Variants in STARD13 observed in about 807,000 individuals in gnomAD.
STARD13 encodes the protein stAR-related lipid transfer protein 13.
Under a neutral mutation model 106.4 loss-of-function variants are expected in STARD13, and 62 were observed. The observed-to-expected ratio is 0.58, with a 90% CI of 0.48 to 0.72. The LOEUF (loss-of-function observed/expected upper bound fraction) is 0.72. Ranked by LOEUF, STARD13 falls within the 30% of genes least tolerant of loss-of-function variation. The pLI, the probability that STARD13 is intolerant of heterozygous loss-of-function variation, is 0.00. For synonymous variants in STARD13, 565 were observed against 553.0 expected (o/e 1.02, Z -0.31); for missense variants, 1,387 against 1,424.0 (o/e 0.97, Z 0.42).
chr13:33,418,012 A>G, the STARD13 span, among the ~76,000 whole-genome samples: 1 of 152,160 alleles, frequency 6.6e-6, no homozygotes, highest in Non-Finnish European at 1.5e-5. Context: ...TGGAGCTCCC[A>G]GTGTAATCAA....
chr13:33,499,529 TTCTTCTTCTTC>T, the STARD13 span, among the ~76,000 whole-genome samples: 1 of 51,514 alleles, frequency 1.9e-5, no homozygotes, highest in African/African-American at 8.9e-5. Flanking sequence ...TTTCTTCTTC[TTCTTCTTCTTC>T]TTCTTCTTCT....
the STARD13 span, among the ~76,000 whole-genome samples, chr13:33,363,423 T>G: frequency 6.6e-6 from 1 of 152,214 alleles, no homozygotes; most frequent in African/African-American, 2.4e-5. Flanking sequence ...ATGATGCCAA[T>G]GGGGTGAGAA....
the STARD13 span, among the ~76,000 whole-genome samples, chr13:33,664,231 T>C: frequency 6.6e-6 from 1 of 152,218 alleles, no homozygotes; most frequent in Non-Finnish European, 1.5e-5. Flanking sequence ...GAGGCTCTTT[T>C]CACTCTTCCC....
intron 1 of STARD13, among the ~76,000 whole-genome samples, chr13:33,341,099 A>G (rs2077954662): frequency 6.6e-6 from 1 of 152,206 alleles, no homozygotes; most frequent in Non-Finnish European, 1.5e-5. Flanking sequence ...TTTTAAAACC[A>G]CTTTTATTTT....
intron 1 of STARD13, among the ~76,000 whole-genome samples, chr13:33,176,387 T>C (rs1884523681): frequency 6.6e-6 from 1 of 152,182 alleles, no homozygotes; most frequent in Non-Finnish European, 1.5e-5. Context: ...GGCAACAGCA[T>C]TGGCAGTATG....
At chr13:33,241,382 C>A (rs189752817) in intron 1 of STARD13, among the ~76,000 whole-genome samples, 94 of 152,192 alleles carry the variant, frequency 6.2e-4, no homozygotes, top group Non-Finnish European at 1.0e-3. Flanking sequence ...GATATTAATG[C>A]AGTTTTTGTA....
intron 1 of STARD13, among the ~76,000 whole-genome samples, chr13:33,210,682 A>G (rs563186826): frequency 6.6e-6 from 1 of 152,348 alleles, no homozygotes; most frequent in African/African-American, 2.4e-5. Context: ...AGAAATTAAG[A>G]ATTCTCTGTA....
chr13:33,285,822 G>T, upstream of STARD13: 1 of 1,357,276 alleles, frequency 7.4e-7, no homozygotes, highest in Admixed American at 3.2e-5. Context: ...ACGTGACCTC[G>T]GGAACCAATG....
chr13:33,501,428 CT>C, the STARD13 span, among the ~76,000 whole-genome samples: 1 of 152,030 alleles, frequency 6.6e-6, no homozygotes, highest in Non-Finnish European at 1.5e-5. Context: ...ATTGCCTTTG[CT>C]TTTGGTGTTT....
Position 33,179,419 on chromosome 13 carries a change from A to ATTTG in STARD13, c.170-11798_170-11797insCAAA, listed in dbSNP as rs1335398238. On this transcript the variant is annotated intron_variant, in intron 1 of 13. Coordinates refer to ENST00000336934, the MANE Select transcript of STARD13 (RefSeq NM_178006.4). ...TTAAATGATTGCATTTCTGTAAAGT[A>ATTTG]CCTGGAGCACAGCATTTGCTACTAT... is the stretch of plus-strand genomic sequence containing the variant. Among the ~76,000 whole-genome samples the ATTTG allele has an allele frequency of 7.9e-5, 12 of 152,196 alleles. No individual in the cohort carries two copies. In the East Asian group the frequency reaches 2.3e-3, roughly 29 times the overall value.
intron 1 of STARD13, among the ~76,000 whole-genome samples, chr13:33,247,995 C>CT (rs1384295170): frequency 5.3e-5 from 8 of 152,216 alleles, no homozygotes; most frequent in Admixed American, 5.2e-4. Flanking sequence ...ATATACTGCA[C>CT]TTGAAGACTC....
At chr13:33,225,470 T>A (rs2138191634) in intron 1 of STARD13, among the ~76,000 whole-genome samples, 1 of 152,360 alleles carries the variant, frequency 6.6e-6, no homozygotes, top group East Asian at 1.9e-4. Flanking sequence ...GGATTACGTG[T>A]AAAGTAAGAG....
chr13:33,541,317 T>C, the STARD13 span, among the ~76,000 whole-genome samples: 1 of 152,242 alleles, frequency 6.6e-6, no homozygotes, highest in Non-Finnish European at 1.5e-5. Flanking sequence ...GAAGACCTAT[T>C]ACAGCTTCAG....
At chr13:33,127,217 G>C (rs755525693) in intron 6 of STARD13, among the ~76,000 whole-genome samples, 156 bp downstream of exon 6, 1 of 152,148 alleles carries the variant, frequency 6.6e-6, no homozygotes, top group Non-Finnish European at 1.5e-5. Flanking sequence ...CCACTGCATC[G>C]AGGCTACGGC....
At chr13:33,277,258 C>T (rs1026715811) in intron 1 of STARD13, 5 of 152,150 alleles carry the variant, frequency 3.3e-5, no homozygotes, top group East Asian at 1.9e-4. Flanking sequence ...TCTCCAGAAG[C>T]GTCATTCATA....
chr13:33,157,778 T>C (rs1178274883), intron 3 of STARD13, among the ~76,000 whole-genome samples: 1 of 152,220 alleles, frequency 6.6e-6, no homozygotes, highest in African/African-American at 2.4e-5. Flanking sequence ...AACATAGTAC[T>C]TCTCCTTCAA....
chr13:33,231,439 C>T (rs1054865034), intron 1 of STARD13, among the ~76,000 whole-genome samples: 1 of 152,174 alleles, frequency 6.6e-6, no homozygotes, highest in African/African-American at 2.4e-5. Context: ...TCCTATAACA[C>T]ACATGAGGGC....
At chr13:33,274,914 G>A (rs375009542) in intron 1 of STARD13, among the ~76,000 whole-genome samples, 3 of 151,726 alleles carry the variant, frequency 2.0e-5, no homozygotes, top group African/African-American at 7.2e-5. Context: ...CCGGCCCTTC[G>A]GTTTAATGTG....
the STARD13 span, among the ~76,000 whole-genome samples, chr13:33,638,154 A>T: frequency 6.6e-6 from 1 of 152,190 alleles, no homozygotes; most frequent in African/African-American, 2.4e-5. Flanking sequence ...CCTAGAAAGG[A>T]GAGAATTGGA....
Sources: allele counts gnomAD v4.1 joint callset (sites outside exome capture counted in the v4.1 genomes callset), GRCh38; gene constraint gnomAD v4.1.1; transcripts MANE v1.5; gene names NCBI Gene and HGNC (gene_info 2026-07-23, HGNC 2026-07-21).